NOX4: variants seen among roughly 807,000 people sequenced by gnomAD.
NOX4 encodes the protein NADPH oxidase 4.
A neutral mutation model predicts 87.6 loss-of-function variants in NOX4; 69 were observed. The ratio of observed to expected loss-of-function variants is 0.79; its 90% CI spans 0.65 to 0.96. The LOEUF is 0.96. Ranked by LOEUF, NOX4 falls within the 40% of genes least tolerant of loss-of-function variation. NOX4 has a pLI of 0.00. For synonymous variants in NOX4, 275 were observed against 238.2 expected (o/e 1.15, Z -1.42); for missense variants, 680 against 681.5 (o/e 1.00, Z 0.02).
upstream of NOX4, among the ~76,000 whole-genome samples, chr11:89,493,642 G>A (rs562974800): frequency 1.3e-5 from 2 of 151,790 alleles, no homozygotes; most frequent in African/African-American, 2.4e-5. Flanking sequence ...ATCCCCAAGG[G>A]ACAGAGCTAG....
At chr11:89,360,641 T>G (rs1001628558) in intron 12 of NOX4, among the ~76,000 whole-genome samples, 1 of 152,090 alleles carries the variant, frequency 6.6e-6, no homozygotes, top group African/African-American at 2.4e-5. Context: ...CAGTGATCTT[T>G]AAGCCACCTT....
chr11:89,501,518 C>T (rs1441889275), upstream of NOX4, among the ~76,000 whole-genome samples: 1 of 152,024 alleles, frequency 6.6e-6, no homozygotes, highest in Non-Finnish European at 1.5e-5. Context: ...GTGGTTACTC[C>T]ACATGGAAGT....
chr11:89,337,656 C>T (rs1945775007), intron 15 of NOX4, 141 bp from the exon 16 acceptor site: 1 of 1,151,920 alleles, frequency 8.7e-7, no homozygotes, highest in African/African-American at 1.5e-5. Context: ...TGAATACACA[C>T]ACACATACAT....
chr11:89,576,333 T>G, the NOX4 span, among the ~76,000 whole-genome samples: 2 of 152,228 alleles, frequency 1.3e-5, no homozygotes, highest in Non-Finnish European at 2.9e-5. Flanking sequence ...GGTACAAATA[T>G]AGCCCTCTCT....
At chr11:89,556,236 A>G in the NOX4 span, among the ~76,000 whole-genome samples, 2 of 152,152 alleles carry the variant, frequency 1.3e-5, no homozygotes, top group Non-Finnish European at 2.9e-5. Context: ...AACCAAAGGA[A>G]ACATAATAGA....
chr11:89,583,846 C>T, the NOX4 span, among the ~76,000 whole-genome samples: 2 of 152,254 alleles, frequency 1.3e-5, no homozygotes, highest in South Asian at 4.1e-4. Context: ...ACTACTACTG[C>T]ACTTCGCACA....
intron 2 of NOX4, among the ~76,000 whole-genome samples, chr11:89,480,542 T>TA (rs1946351284): frequency 1.3e-5 from 2 of 152,144 alleles, no homozygotes; most frequent in Non-Finnish European, 2.9e-5. Context: ...CTGTGAAGGA[T>TA]AAGAGCAGAG....
intron 7 of NOX4, among the ~76,000 whole-genome samples, chr11:89,423,808 C>G (rs1943219092): frequency 6.6e-6 from 1 of 151,964 alleles, no homozygotes; most frequent in Non-Finnish European, 1.5e-5. Context: ...TAATCCAACA[C>G]TTTGAAAGGC....
chr11:89,573,347 T>C, the NOX4 span, among the ~76,000 whole-genome samples: 1 of 152,116 alleles, frequency 6.6e-6, no homozygotes, highest in Middle Eastern at 3.2e-3. Context: ...CCATCCTAGC[T>C]AACACAGTGA....
At chr11:89,364,998 G>T (rs1827429) in intron 12 of NOX4, among the ~76,000 whole-genome samples, 4 of 152,132 alleles carry the variant, frequency 2.6e-5, no homozygotes, top group African/African-American at 9.6e-5. Flanking sequence ...TTCCACTGCC[G>T]TCATACTGCC....
At chr11:89,528,919 T>G in the NOX4 span, among the ~76,000 whole-genome samples, 1 of 152,228 alleles carries the variant, frequency 6.6e-6, no homozygotes, top group Non-Finnish European at 1.5e-5. Context: ...TATTATGTGA[T>G]AGGACAAAAT....
At chr11:89,550,159 G>A in the NOX4 span, among the ~76,000 whole-genome samples, 29 of 151,344 alleles carry the variant, frequency 1.9e-4, no homozygotes, top group Admixed American at 1.6e-3. Flanking sequence ...CGCCAGTATC[G>A]GTTGTTTCCT....
the NOX4 span, among the ~76,000 whole-genome samples, chr11:89,508,914 T>G: frequency 6.6e-6 from 1 of 152,048 alleles, no homozygotes; most frequent in East Asian, 1.9e-4. Flanking sequence ...TTGCACACAG[T>G]TGTCCAGTCA....
chr11:89,402,814 C>T (rs1941953341), intron 8 of NOX4, among the ~76,000 whole-genome samples: 1 of 152,074 alleles, frequency 6.6e-6, no homozygotes, highest in African/African-American at 2.4e-5. Context: ...TGCAATCTCT[C>T]CAGGCATTAT....
intron 7 of NOX4, among the ~76,000 whole-genome samples, chr11:89,423,866 A>C (rs317129): frequency 0.58 from 88,364 of 151,648 alleles, 28,014 homozygotes; most frequent in African/African-American, 0.84. Flanking sequence ...CCAGCCTGGA[A>C]AACATATTGA....
chr11:89,485,530 A>C (rs1946557664), intron 2 of NOX4, among the ~76,000 whole-genome samples: 1 of 152,080 alleles, frequency 6.6e-6, no homozygotes, highest in Non-Finnish European at 1.5e-5. Flanking sequence ...GCAACTCAAA[A>C]CAGGTAAACA....
At chr11:89,373,613 A>G (rs1287100935) in intron 11 of NOX4, 121 bp from the exon 12 acceptor site, 33 of 669,752 alleles carry the variant, frequency 4.9e-5, no homozygotes, top group Non-Finnish European at 6.4e-5. Flanking sequence ...GAAGGAACAG[A>G]CTAAAATCTA....
Position 89,325,582 on chromosome 11 carries a change from A to G in NOX4, c.*1174T>C, listed in dbSNP as rs1945189721. Reference sequence around the variant, plus strand: ...AAAAAGTGCGACAGTAATATTCTGGATTCTAAACTTAAGTTTGAATAAGAA... The same window carrying G: ...AAAAAGTGCGACAGTAATATTCTGGGTTCTAAACTTAAGTTTGAATAAGAA... On this transcript the variant is annotated 3_prime_UTR_variant, in exon 18 of 18. Coordinates refer to ENST00000263317, the MANE Select transcript of NOX4 (RefSeq NM_016931.5). The G allele has an allele frequency of 6.6e-6, 1 of 152,160 alleles. No homozygotes were observed. The highest frequency in any genetic ancestry group is 2.4e-5 in the African/African-American group (1 of 41,434). The allele number at this position is 152,160 out of a possible 1,614,324, so 9.4% of individuals were successfully genotyped here.
At chr11:89,420,797 G>C (rs545529015) in intron 8 of NOX4, among the ~76,000 whole-genome samples, 1 of 152,294 alleles carries the variant, frequency 6.6e-6, no homozygotes, top group East Asian at 1.9e-4. Flanking sequence ...ATTGTCAGCT[G>C]TGTTACCAGC....
Sources: allele counts gnomAD v4.1 joint callset (sites outside exome capture counted in the v4.1 genomes callset), GRCh38; gene constraint gnomAD v4.1.1; transcripts MANE v1.5; gene names NCBI Gene and HGNC (gene_info 2026-07-23, HGNC 2026-07-21).